The following IGSF10 variants were observed in gnomAD, a reference collection of about 807,000 sequenced individuals.
IGSF10 encodes calvaria mechanical force protein 608.
Under a neutral mutation model 128.2 loss-of-function variants are expected in IGSF10, and 126 were observed. That is an observed-to-expected ratio of 0.98 (90% confidence interval 0.85 to 1.14). IGSF10 has a LOEUF of 1.14. Ranked by LOEUF, IGSF10 falls within the 50% of genes most tolerant of loss-of-function variation. IGSF10 has a pLI of 0.00. For synonymous variants in IGSF10, 1,185 were observed against 1,146.2 expected, an observed-to-expected ratio of 1.03 and a Z score of -0.68; for missense variants, 3,295 against 3,149.8, an observed-to-expected ratio of 1.05 and a Z score of -1.10.
chr3:151,578,771 GA>G, the IGSF10 span, among the ~76,000 whole-genome samples: 1 of 152,058 alleles, frequency 6.6e-6, no homozygotes, highest in Non-Finnish European at 1.5e-5. Flanking sequence ...AGAAGAAATA[GA>G]AAAAAAGATC....
chr3:151,550,620 T>C, the IGSF10 span, among the ~76,000 whole-genome samples: 2 of 152,200 alleles, frequency 1.3e-5, no homozygotes, highest in Admixed American at 1.3e-4. Context: ...GATCTTTTTT[T>C]TAGGTGTATT....
the IGSF10 span, among the ~76,000 whole-genome samples, chr3:151,589,693 G>T: frequency 4.6e-5 from 7 of 152,088 alleles, no homozygotes; most frequent in African/African-American, 1.7e-4. Flanking sequence ...CTAGAAAAAA[G>T]GGTTTTTGAT....
the IGSF10 span, among the ~76,000 whole-genome samples, chr3:151,572,686 AT>A: frequency 6.6e-6 from 1 of 151,958 alleles, no homozygotes; most frequent in African/African-American, 2.4e-5. Context: ...GATTCATTAA[AT>A]TTTTGAAGGG....
chr3:151,556,569 A>C, the IGSF10 span, among the ~76,000 whole-genome samples: 3 of 152,134 alleles, frequency 2.0e-5, no homozygotes, highest in Admixed American at 2.0e-4. Flanking sequence ...AGTAGAAGGG[A>C]AAAGAAGAGA....
At chr3:151,531,519 G>C in the IGSF10 span, among the ~76,000 whole-genome samples, 1 of 152,140 alleles carries the variant, frequency 6.6e-6, no homozygotes, top group African/African-American at 2.4e-5. Flanking sequence ...TAGAACTCAG[G>C]ATTAAGAAAC....
chr3:151,614,303 C>T, the IGSF10 span, among the ~76,000 whole-genome samples: 1 of 152,172 alleles, frequency 6.6e-6, no homozygotes, highest in African/African-American at 2.4e-5. Context: ...CCATTTGACC[C>T]AGCCATCCCA....
At chr3:151,558,008 A>T in the IGSF10 span, among the ~76,000 whole-genome samples, 1 of 37,840 alleles carries the variant, frequency 2.6e-5, no homozygotes, top group African/African-American at 1.5e-4. Flanking sequence ...TATATATAAT[A>T]TATATATATA....
At chr3:151,529,905 ACTC>A in the IGSF10 span, among the ~76,000 whole-genome samples, 1 of 151,880 alleles carries the variant, frequency 6.6e-6, no homozygotes, top group Non-Finnish European at 1.5e-5. Context: ...GTAATAACAA[ACTC>A]CTCCGAGTTA....
At chr3:151,558,868 T>C in the IGSF10 span, among the ~76,000 whole-genome samples, 1 of 152,128 alleles carries the variant, frequency 6.6e-6, no homozygotes. Flanking sequence ...AGAATTCTAG[T>C]GGATAGATTC....
chr3:151,444,297 T>C (rs1434251941), intron 6 of IGSF10, among the ~76,000 whole-genome samples: 1 of 152,112 alleles, frequency 6.6e-6, no homozygotes, highest in Non-Finnish European at 1.5e-5. Context: ...AAATTATTCC[T>C]GGATTATTTT....
chr3:151,486,745 A>G, the IGSF10 span, among the ~76,000 whole-genome samples: 72 of 152,344 alleles, frequency 4.7e-4, no homozygotes, highest in African/African-American at 1.7e-3. Flanking sequence ...AGATTAGAAT[A>G]ATGAAATGAC....
At chr3:151,532,605 A>G in the IGSF10 span, among the ~76,000 whole-genome samples, 1 of 152,192 alleles carries the variant, frequency 6.6e-6, no homozygotes, top group Non-Finnish European at 1.5e-5. Context: ...GATGCAGAAA[A>G]GGCCTTCGAC....
the IGSF10 span, among the ~76,000 whole-genome samples, chr3:151,589,289 G>A: frequency 6.6e-6 from 1 of 152,142 alleles, no homozygotes; most frequent in Non-Finnish European, 1.5e-5. Flanking sequence ...GGAAACTGTT[G>A]GGAGAAGAAT....
rs756305241 is a variant in IGSF10 at position 151,436,639 on chromosome 3, C to A, written c.*50G>T. ...CCTATGGCTGCCTTTGATTAAACTT[C>A]TTCCAAAAAATAAATTCTGCCCAGA... On this transcript the variant is annotated 3_prime_UTR_variant, in exon 8 of 8. Coordinates refer to ENST00000282466, the MANE Select transcript of IGSF10 (RefSeq NM_178822.5). The A allele has an allele frequency of 1.5e-6, 2 of 1,361,724 alleles. No homozygotes were observed. The highest frequency in any genetic ancestry group is 2.0e-6 in the Non-Finnish European group (2 of 991,350). The allele number at this position is 1,361,724 out of a possible 1,614,324, so 84.4% of individuals were successfully genotyped here.
chr3:151,463,958 A>G (rs1354240649), upstream of IGSF10, among the ~76,000 whole-genome samples: 1 of 152,210 alleles, frequency 6.6e-6, no homozygotes, highest in African/African-American at 2.4e-5. Flanking sequence ...ATATGTTTCT[A>G]TAGATTCATA....
chr3:151,550,931 T>C, the IGSF10 span, among the ~76,000 whole-genome samples: 1 of 152,184 alleles, frequency 6.6e-6, no homozygotes, highest in African/African-American at 2.4e-5. Context: ...GTTGCTCCCT[T>C]GGTGCTGTCA....
chr3:151,529,148 T>C, the IGSF10 span, among the ~76,000 whole-genome samples: 1 of 152,244 alleles, frequency 6.6e-6, no homozygotes, highest in South Asian at 2.1e-4. Context: ...AGACTGCCTC[T>C]CTAGATTCCT....
the IGSF10 span, among the ~76,000 whole-genome samples, chr3:151,524,475 C>G: frequency 6.6e-6 from 1 of 152,126 alleles, no homozygotes; most frequent in Admixed American, 6.6e-5. Flanking sequence ...ATGTCTTTTG[C>G]AGGAACATGG....
chr3:151,517,227 C>T, the IGSF10 span, among the ~76,000 whole-genome samples: 2 of 152,022 alleles, frequency 1.3e-5, no homozygotes, highest in East Asian at 1.9e-4. Flanking sequence ...AGTGTCTCTG[C>T]AGCTGCTAGC....
Sources: allele counts gnomAD v4.1 joint callset (sites outside exome capture counted in the v4.1 genomes callset), GRCh38; gene constraint gnomAD v4.1.1; transcripts MANE v1.5; gene names NCBI Gene and HGNC (gene_info 2026-07-23, HGNC 2026-07-21).